Variants in DLG2 observed in about 807,000 individuals in gnomAD.
DLG2 encodes the protein discs large MAGUK scaffold protein 2.
DLG2 carries 45 observed loss-of-function variants against 132.5 expected under a neutral mutation model. The ratio of observed to expected loss-of-function variants is 0.34; its 90% CI spans 0.27 to 0.44. The LOEUF (loss-of-function observed/expected upper bound fraction) is 0.44, where lower values mean the gene tolerates loss of function less well. Ranked by LOEUF, DLG2 falls within the 20% of genes least tolerant of loss-of-function variation. The probability of loss-of-function intolerance (pLI) is 1.00; values close to 1 mark genes in which losing one functional copy is unlikely to be tolerated. For synonymous variants in DLG2, 424 were observed against 419.6 expected, an observed-to-expected ratio of 1.01 and a Z score of -0.13; for missense variants, 1,045 against 1,196.9, an observed-to-expected ratio of 0.87 and a Z score of 1.87.
At chr11:85,480,772 A>AT (rs1266071015) in intron 3 of DLG2, among the ~76,000 whole-genome samples, 1 of 152,212 alleles carries the variant, frequency 6.6e-6, no homozygotes, top group Non-Finnish European at 1.5e-5. Context: ...AATAAAAAGA[A>AT]TCTATTCTGG....
intron 3 of DLG2, among the ~76,000 whole-genome samples, chr11:85,312,197 T>C (rs1289209327): frequency 2.0e-5 from 3 of 151,908 alleles, no homozygotes; most frequent in Admixed American, 6.6e-5. Context: ...AGAAAAAACA[T>C]TGTGTCTTAT....
In DLG2 at chr11:85,556,584, T is replaced by C. The variant is rs1324300926; in HGVS notation, c.40+42073A>G. 1.3e-5 allele frequency among the ~76,000 whole-genome samples: 2 copies of C among 151,938 alleles called. 1 individual carries two copies. The highest frequency in any genetic ancestry group is 4.8e-5 in the African/African-American group (2 of 41,450). On this transcript the variant is annotated intron_variant, in intron 3 of 27. Transcript: ENST00000376104. ...ACTGTAAAGTGTTTCTTCAGATAAA[T>C]AGAGGTTTGTCTTACTTTTTATATA...
chr11:83,481,699 A>G (rs920131991), intron 22 of DLG2, among the ~76,000 whole-genome samples: 3 of 152,146 alleles, frequency 2.0e-5, no homozygotes, highest in African/African-American at 7.2e-5. Flanking sequence ...AGAAGTGTGG[A>G]TGAACCTGTG....
At chr11:84,174,366 C>T (rs2095897791) in intron 8 of DLG2, among the ~76,000 whole-genome samples, 1 of 152,020 alleles carries the variant, frequency 6.6e-6, no homozygotes, top group Non-Finnish European at 1.5e-5. Context: ...CAAGTAGCTT[C>T]AATAATTTTT....
At chr11:84,182,810 T>C (rs1451253851) in intron 8 of DLG2, among the ~76,000 whole-genome samples, 1 of 152,142 alleles carries the variant, frequency 6.6e-6, no homozygotes, top group Admixed American at 6.5e-5. Flanking sequence ...AAATATTGGC[T>C]ATTTTTTGAA....
At chr11:85,002,249 A>G (rs988446821) in intron 6 of DLG2, among the ~76,000 whole-genome samples, 3 of 152,184 alleles carry the variant, frequency 2.0e-5, no homozygotes, top group Non-Finnish European at 2.9e-5. Context: ...TCATAAAAAT[A>G]ATGCCCTGAT....
chr11:84,119,375 G>GT (rs1394612785), intron 9 of DLG2, among the ~76,000 whole-genome samples: 1 of 151,914 alleles, frequency 6.6e-6, no homozygotes. Flanking sequence ...CAAAGTAGGG[G>GT]TGGATGAGAC....
At chr11:84,701,230 C>A (rs1018769364) in intron 6 of DLG2, among the ~76,000 whole-genome samples, 1 of 151,478 alleles carries the variant, frequency 6.6e-6, no homozygotes, top group Admixed American at 6.6e-5. Context: ...ACAATTCCAG[C>A]AAGAGAGAAG....
chr11:84,550,044 C>A (rs2099398632), intron 6 of DLG2, among the ~76,000 whole-genome samples: 4 of 151,976 alleles, frequency 2.6e-5, no homozygotes, highest in Admixed American at 2.6e-4. Context: ...GCATGAGTCA[C>A]CACACCCAGC....
intron 20 of DLG2, among the ~76,000 whole-genome samples, chr11:83,532,992 T>C (rs568815901): frequency 3.9e-5 from 6 of 152,258 alleles, no homozygotes; most frequent in African/African-American, 1.2e-4. Context: ...CCGATACGTA[T>C]ACTGAGAGTC....
At chr11:84,429,098 TG>T (rs993927040) in intron 7 of DLG2, among the ~76,000 whole-genome samples, 2 of 152,220 alleles carry the variant, frequency 1.3e-5, no homozygotes, top group African/African-American at 4.8e-5. Flanking sequence ...TTTTTCATCT[TG>T]CTCTCACTTT....
At position 85,091,121 on chromosome 11, in the gene DLG2, T is replaced by C. The variant is rs148129387; in HGVS notation, c.357+20540A>G. On this transcript the variant is annotated intron_variant, in intron 6 of 27. Coordinates refer to ENST00000376104, the MANE Select transcript of DLG2 (RefSeq NM_001142699.3). The stretch of plus-strand genomic sequence containing the variant: ...ACAACCCAAACACCTCCCATTTGGT[T>C]CCACCTCCAACACTGGGGATCAAAT... Among the ~76,000 whole-genome samples the C allele has an allele frequency of 2.1e-3, 316 of 152,278 alleles. 3 individuals carry two copies. Among genetic ancestry groups the C allele is most frequent in the Middle Eastern group, 0.01 (3 of 294 alleles).
At chr11:84,550,932 G>A (rs895443126) in intron 6 of DLG2, among the ~76,000 whole-genome samples, 1 of 152,102 alleles carries the variant, frequency 6.6e-6, no homozygotes, top group Non-Finnish European at 1.5e-5. Flanking sequence ...GTACCAAGAA[G>A]CAGTTATGAA....
At chr11:83,853,215 A>G (rs561140003) in intron 16 of DLG2, among the ~76,000 whole-genome samples, 18 of 152,072 alleles carry the variant, frequency 1.2e-4, no homozygotes, top group Non-Finnish European at 2.2e-4. Flanking sequence ...CTTTCCATGT[A>G]TAGTCCTTTC....
chr11:83,543,115 A>G (rs2096129409), intron 19 of DLG2, among the ~76,000 whole-genome samples: 4 of 152,152 alleles, frequency 2.6e-5, no homozygotes. Flanking sequence ...AAGTATAATT[A>G]ATTGCAACGT....
chr11:85,135,507 TAGCAA>T (rs1466164361), intron 5 of DLG2, among the ~76,000 whole-genome samples: 10 of 152,176 alleles, frequency 6.6e-5, no homozygotes, highest in Admixed American at 2.0e-4. Flanking sequence ...AGAGAAAAAT[TAGCAA>T]AGGGAGCCTG....
intron 14 of DLG2, among the ~76,000 whole-genome samples, chr11:83,949,386 C>G (rs544217049): frequency 6.8e-6 from 1 of 148,038 alleles, no homozygotes; most frequent in Non-Finnish European, 1.5e-5. Context: ...GGATTAATGT[C>G]TTTTTAGATT....
intron 9 of DLG2, among the ~76,000 whole-genome samples, chr11:84,112,725 C>T (rs1245294523): frequency 6.6e-6 from 1 of 152,182 alleles, no homozygotes; most frequent in Non-Finnish European, 1.5e-5. Flanking sequence ...CTTTAACACC[C>T]TTTCCTTTAC....
chr11:85,555,749 G>A (rs4943923), intron 3 of DLG2, among the ~76,000 whole-genome samples: 32,041 of 151,702 alleles, frequency 0.21, 4,547 homozygotes, highest in African/African-American at 0.36. Flanking sequence ...AGGGAACTCT[G>A]TCTGCATAAT....
Sources: gnomAD v4.1 joint callset for allele counts (sites outside exome capture counted in the v4.1 genomes callset) on GRCh38, gnomAD v4.1.1 for gene constraint, MANE v1.5 for transcripts, NCBI Gene and HGNC (gene_info 2026-07-23, HGNC 2026-07-21) for gene names.